The following TDRD3 variants were observed in gnomAD, a reference collection of about 807,000 sequenced individuals.
TDRD3 encodes tudor domain containing 3.
Under a neutral mutation model 86.7 loss-of-function variants are expected in TDRD3, and 45 were observed. The ratio of observed to expected loss-of-function variants is 0.52; its 90% confidence interval spans 0.41 to 0.67. The LOEUF (loss-of-function observed/expected upper bound fraction) is 0.67. Among genes scored for constraint, TDRD3 ranks in the 30% least tolerant of loss-of-function variants. The pLI, the probability that TDRD3 is intolerant of heterozygous loss-of-function variation, is 0.00. For synonymous variants in TDRD3, 298 were observed against 301.7 expected, an observed-to-expected ratio of 0.99 and a Z score of 0.13; for missense variants, 814 against 889.0, an observed-to-expected ratio of 0.92 and a Z score of 1.07.
Position 60,535,217 on chromosome 13 carries a change from T to C in TDRD3, c.2102T>C (p.Ile701Thr). Residue 701 changes from isoleucine to threonine, a missense_variant, in exon 12 of 14, where the codon ATT (isoleucine) becomes ACT (threonine). Physicochemically the swap from Ile to Thr is moderately conservative, Grantham distance 89. Transcript: ENST00000377881. ...EEVLLSNIKP[I>T]QTEAWEEEGT... is the part of the protein sequence containing the mutation. Reference sequence around the variant, plus strand: ...GTGCTACTGAGCAATATCAAGCCCATTCAAACAGAGGCATGGGTACGTGAT... The same window carrying C: ...GTGCTACTGAGCAATATCAAGCCCACTCAAACAGAGGCATGGGTACGTGAT... The C allele has an allele frequency of 5.0e-6, 8 of 1,613,496 alleles. No individual in the cohort carries two copies. Among genetic ancestry groups the C allele is most frequent in the Non-Finnish European group, 5.9e-6 (7 of 1,179,658 alleles).
chr13:60,525,095 A>AAAC (rs1215561739), intron 10 of TDRD3, among the ~76,000 whole-genome samples: 9 of 149,390 alleles, frequency 6.0e-5, no homozygotes, highest in African/African-American at 2.0e-4. Flanking sequence ...TCAAAAAAAA[A>AAAC]AAAAAAAAAA....
chr13:60,427,824 G>A lies in TDRD3; in HGVS notation c.42-11864G>A, dbSNP rs552776869. Among the ~76,000 whole-genome samples the A allele has an allele frequency of 2.6e-5, 4 of 152,278 alleles. No individual in the cohort carries two copies. In the East Asian group the frequency reaches 7.7e-4, roughly 29 times the overall value. ...GGGATGGATGGCCTTTCAAAATAAT[G>A]TTTTTTATTTAATTAAATCAATACT... On this transcript the variant is annotated intron_variant, in intron 1 of 13. Transcript: ENST00000377881.
intron 12 of TDRD3, among the ~76,000 whole-genome samples, chr13:60,562,338 A>G (rs1958353189): frequency 6.6e-6 from 1 of 152,030 alleles, no homozygotes; most frequent in South Asian, 2.1e-4. Context: ...CGGCAAAAAA[A>G]AAGAAAAGAA....
At chr13:60,498,195 C>T (rs1036864776) in intron 8 of TDRD3, among the ~76,000 whole-genome samples, 3 of 152,096 alleles carry the variant, frequency 2.0e-5, no homozygotes, top group Non-Finnish European at 4.4e-5. Context: ...AAGATATACC[C>T]TTGAGCAACG....
intron 1 of TDRD3, among the ~76,000 whole-genome samples, chr13:60,404,751 C>G (rs1954193563): frequency 6.6e-6 from 1 of 152,164 alleles, no homozygotes; most frequent in Non-Finnish European, 1.5e-5. Context: ...ATTACAGGTG[C>G]CCACCACCAC....
intron 1 of TDRD3, among the ~76,000 whole-genome samples, chr13:60,417,626 G>A (rs1954557668): frequency 1.3e-5 from 2 of 152,136 alleles, no homozygotes; most frequent in Non-Finnish European, 2.9e-5. Flanking sequence ...ACAGGTGTGA[G>A]CCGCCACACT....
chr13:60,525,690 G>GT (rs1454672443), intron 10 of TDRD3, among the ~76,000 whole-genome samples: 2 of 152,080 alleles, frequency 1.3e-5, no homozygotes, highest in African/African-American at 4.8e-5. Context: ...AATTTCCTAA[G>GT]TTTGTTTATT....
intron 1 of TDRD3, among the ~76,000 whole-genome samples, chr13:60,397,912 C>T (rs1495275): frequency 0.15 from 22,844 of 152,156 alleles, 2,155 homozygotes; most frequent in South Asian, 0.28. Flanking sequence ...GCCGGAGCCG[C>T]CTCTTCTTAC....
At chr13:60,405,617 GA>G (rs964911777) in intron 1 of TDRD3, among the ~76,000 whole-genome samples, 8 of 152,154 alleles carry the variant, frequency 5.3e-5, no homozygotes, top group African/African-American at 1.9e-4. Context: ...ACAAACATCT[GA>G]AGGACCTGGG....
intron 1 of TDRD3, among the ~76,000 whole-genome samples, chr13:60,402,251 C>CT (rs1185771094): frequency 2.0e-5 from 3 of 152,154 alleles, no homozygotes; most frequent in Non-Finnish European, 4.4e-5. Context: ...AGAGACACAC[C>CT]TTTTTTCCAG....
intron 10 of TDRD3, 140 bp from the exon 11 acceptor site, chr13:60,528,227 A>C (rs1211004356): frequency 2.1e-6 from 2 of 953,252 alleles, no homozygotes; most frequent in African/African-American, 3.3e-5. Context: ...AGAAGGAGTA[A>C]GATAATGAGG....
intron 1 of TDRD3, among the ~76,000 whole-genome samples, chr13:60,407,318 G>C (rs1386393569): frequency 6.6e-6 from 1 of 152,182 alleles, no homozygotes; most frequent in Non-Finnish European, 1.5e-5. Context: ...TCTCATCTTA[G>C]TTGGTCTTGG....
intron 12 of TDRD3, among the ~76,000 whole-genome samples, chr13:60,566,764 C>T (rs1297496329): frequency 6.6e-6 from 1 of 152,148 alleles, no homozygotes; most frequent in Non-Finnish European, 1.5e-5. Flanking sequence ...TATTTTGTTG[C>T]TTCTAAGTCC....
At chr13:60,462,249 T>G (rs1416821521) in intron 4 of TDRD3, among the ~76,000 whole-genome samples, 1 of 152,232 alleles carries the variant, frequency 6.6e-6, no homozygotes, top group Non-Finnish European at 1.5e-5. Context: ...ACTTGCCATG[T>G]AATGGCTCAT....
chr13:60,410,341 CAT>C (rs1566170995), intron 1 of TDRD3, among the ~76,000 whole-genome samples: 1 of 152,098 alleles, frequency 6.6e-6, no homozygotes, highest in Non-Finnish European at 1.5e-5. Context: ...TCTAAGTTGT[CAT>C]AGAGTTCAAG....
In TDRD3 at chr13:60,439,829, A is replaced by T. The variant is rs921187463; in HGVS notation, c.126+57A>T. The T allele has an allele frequency of 1.4e-5, 17 of 1,254,012 alleles. No homozygotes were observed. In the South Asian group the frequency reaches 2.7e-4, roughly 20 times the overall value. The allele number at this position is 1,254,012 out of a possible 1,614,324, so 77.7% of individuals were successfully genotyped here. ...GAAATCTGGAAGCTGTATTCATAAA[A>T]AAGTCTCAGAGTAAATTGGGTTATA... On this transcript the variant is annotated intron_variant, in intron 2 of 13. Coordinates refer to ENST00000377881, the MANE Select transcript of TDRD3 (RefSeq NM_001146070.2).
intron 12 of TDRD3, among the ~76,000 whole-genome samples, chr13:60,566,553 T>C (rs9598142): frequency 0.041 from 6,250 of 152,282 alleles, 189 homozygotes; most frequent in Non-Finnish European, 0.062. Context: ...TCCAAAGTAA[T>C]GCAAATTATT....
chr13:60,423,224 AGT>A (rs1468594752), intron 1 of TDRD3, among the ~76,000 whole-genome samples: 1 of 152,220 alleles, frequency 6.6e-6, no homozygotes, highest in African/African-American at 2.4e-5. Context: ...ATATAAAAAT[AGT>A]TTTCATCATA....
chr13:60,418,672 A>G (rs547360598), intron 1 of TDRD3, among the ~76,000 whole-genome samples: 36 of 152,328 alleles, frequency 2.4e-4, no homozygotes, highest in East Asian at 1.9e-3. Context: ...TGTACGTTTA[A>G]GTAACCCCCA....
Sources: gnomAD v4.1 joint callset for allele counts (sites outside exome capture counted in the v4.1 genomes callset) on GRCh38, gnomAD v4.1.1 for gene constraint, MANE v1.5 for transcripts, NCBI Gene and HGNC (gene_info 2026-07-23, HGNC 2026-07-21) for gene names.